Variants in EYS observed in about 807,000 individuals in gnomAD.
The protein encoded by EYS is protein eyes shut homolog.
EYS carries 250 observed loss-of-function variants against 282.1 expected under a neutral mutation model. That is an observed-to-expected ratio of 0.89 (90% CI 0.80 to 0.98). EYS has a LOEUF of 0.98. EYS is among the 50% of genes least tolerant of loss of function. The pLI is 0.00. For synonymous variants in EYS, 1,355 were observed against 1,282.9 expected, an observed-to-expected ratio of 1.06 and a Z score of -1.20; for missense variants, 4,016 against 3,709.0, an observed-to-expected ratio of 1.08 and a Z score of -2.15.
chr6:64,920,354 T>C (rs1768298814), intron 15 of EYS, among the ~76,000 whole-genome samples: 1 of 152,114 alleles, frequency 6.6e-6, no homozygotes, highest in South Asian at 2.1e-4. Context: ...ACATGAACAA[T>C]TATGTGATTT....
intron 13 of EYS, among the ~76,000 whole-genome samples, chr6:65,030,235 G>A (rs1472483750): frequency 3.3e-5 from 5 of 152,044 alleles, no homozygotes; most frequent in Non-Finnish European, 7.4e-5. Flanking sequence ...CACTCCTAGG[G>A]TCCCTGCTTG....
intron 28 of EYS, among the ~76,000 whole-genome samples, chr6:64,395,666 C>G (rs1482896828): frequency 1.3e-5 from 2 of 151,202 alleles, no homozygotes; most frequent in African/African-American, 2.4e-5. Context: ...ATAGCATTGG[C>G]AGATATACCT....
chr6:65,609,051 T>G (rs1231504852), intron 2 of EYS, among the ~76,000 whole-genome samples: 2 of 152,210 alleles, frequency 1.3e-5, no homozygotes, highest in East Asian at 1.9e-4. Context: ...AAACATAGTA[T>G]AGTAAATACA....
At chr6:64,693,349 A>G (rs1162265492) in intron 22 of EYS, among the ~76,000 whole-genome samples, 1 of 152,098 alleles carries the variant, frequency 6.6e-6, no homozygotes, top group Non-Finnish European at 1.5e-5. Context: ...ATTTCTAAAA[A>G]TTTATAATAA....
chr6:64,273,447 A>T (rs1043886573), intron 30 of EYS, among the ~76,000 whole-genome samples: 3 of 151,746 alleles, frequency 2.0e-5, no homozygotes, highest in Non-Finnish European at 4.4e-5. Context: ...CTTTTTTTCT[A>T]AAATTCTTTT....
chr6:64,852,487 T>G (rs1054041569), intron 19 of EYS, among the ~76,000 whole-genome samples: 3 of 152,130 alleles, frequency 2.0e-5, no homozygotes, highest in Non-Finnish European at 2.9e-5. Context: ...CAGCCTATTG[T>G]GGGACATTGT....
At chr6:64,914,812 T>G (rs988851878) in intron 15 of EYS, among the ~76,000 whole-genome samples, 1 of 152,170 alleles carries the variant, frequency 6.6e-6, no homozygotes, top group South Asian at 2.1e-4. Flanking sequence ...GTCTAAATTT[T>G]TTTTTAATTG....
At position 65,188,882 on chromosome 6, in the gene EYS, G is replaced by A. The variant is rs1262026471; in HGVS notation, c.2023+106981C>T. 2.6e-5 allele frequency among the ~76,000 whole-genome samples: 4 copies of A among 151,410 alleles called. No individual in the cohort carries two copies. In the Admixed American group the frequency reaches 2.6e-4, roughly 10 times the overall value. ...GTTTCTTAGGGGCTTCAGAGGGAAT[G>A]CAGCCTTGCCAGTATCATGACTAGC... On this transcript the variant is annotated intron_variant, in intron 12 of 42. Coordinates refer to ENST00000503581, the MANE Select transcript of EYS (RefSeq NM_001142800.2).
At chr6:64,231,365 GTC>G (rs2150338265) in intron 30 of EYS, among the ~76,000 whole-genome samples, 1 of 151,854 alleles carries the variant, frequency 6.6e-6, no homozygotes, top group African/African-American at 2.4e-5. Flanking sequence ...AACAACAAAA[GTC>G]TCTCTGAATT....
intron 29 of EYS, among the ~76,000 whole-genome samples, chr6:64,365,787 A>G (rs1772162529): frequency 6.6e-6 from 1 of 152,032 alleles, no homozygotes; most frequent in African/African-American, 2.4e-5. Context: ...ATACTATATT[A>G]AGAATTACAT....
chr6:63,983,212 C>G (rs1451543050), intron 35 of EYS, among the ~76,000 whole-genome samples: 1 of 151,640 alleles, frequency 6.6e-6, no homozygotes, highest in Non-Finnish European at 1.5e-5. Flanking sequence ...GTTATTGTAC[C>G]AATGTATAAA....
chr6:65,353,078 A>T (rs1036074428), intron 9 of EYS, among the ~76,000 whole-genome samples: 12 of 151,790 alleles, frequency 7.9e-5, no homozygotes, highest in African/African-American at 2.9e-4. Context: ...CTTTTTTTCT[A>T]AATAGGCTCA....
At chr6:64,551,695 C>T (rs1002976757) in intron 26 of EYS, among the ~76,000 whole-genome samples, 2 of 151,886 alleles carry the variant, frequency 1.3e-5, no homozygotes, top group Admixed American at 6.6e-5. Context: ...CGCCACCATG[C>T]CCAGCTGATT....
chr6:65,627,524 G>C (rs1383593876), intron 2 of EYS, among the ~76,000 whole-genome samples: 1 of 152,158 alleles, frequency 6.6e-6, no homozygotes, highest in East Asian at 1.9e-4. Context: ...GGGAGGTGTG[G>C]AGGGAGAGGT....
chr6:64,695,160 T>C (rs1314929453), intron 22 of EYS, among the ~76,000 whole-genome samples: 2 of 151,942 alleles, frequency 1.3e-5, no homozygotes, highest in Admixed American at 6.6e-5. Context: ...AGGCAGAGCA[T>C]AGGACTGGGA....
intron 12 of EYS, among the ~76,000 whole-genome samples, chr6:65,130,309 T>A (rs552125572): frequency 3.3e-5 from 5 of 152,018 alleles, no homozygotes; most frequent in African/African-American, 1.2e-4. Context: ...GATTCTAAAA[T>A]AAAAGTTTTA....
chr6:63,868,231 A>G (rs1227124662), intron 35 of EYS, among the ~76,000 whole-genome samples: 1 of 152,174 alleles, frequency 6.6e-6, no homozygotes, highest in African/African-American at 2.4e-5. Flanking sequence ...TATATTTTGG[A>G]ATTGTAACTG....
At chr6:64,827,901 C>T (rs1765105007) in intron 19 of EYS, among the ~76,000 whole-genome samples, 1 of 151,238 alleles carries the variant, frequency 6.6e-6, no homozygotes, top group South Asian at 2.1e-4. Flanking sequence ...TAAAAAAAAT[C>T]CAGAAACAAC....
At chr6:65,420,962 T>A (rs868129012) in intron 5 of EYS, among the ~76,000 whole-genome samples, 2 of 151,962 alleles carry the variant, frequency 1.3e-5, no homozygotes, top group South Asian at 4.1e-4. Flanking sequence ...TCATTCAGAC[T>A]TTGTTCATCC....
Sources: gnomAD v4.1 joint callset for allele counts (sites outside exome capture counted in the v4.1 genomes callset) on GRCh38, gnomAD v4.1.1 for gene constraint, MANE v1.5 for transcripts, NCBI Gene and HGNC (gene_info 2026-07-23, HGNC 2026-07-21) for gene names.